The following LRRIQ3 variants were observed in gnomAD, a reference collection of about 807,000 sequenced individuals.
LRRIQ3 encodes leucine rich repeats and IQ motif containing 3.
LRRIQ3 carries 75 observed loss-of-function variants against 59.3 expected under a neutral mutation model. The ratio of observed to expected loss-of-function variants is 1.26; its 90% CI spans 1.05 to 1.53. The LOEUF is 1.53. Among genes scored for constraint, LRRIQ3 ranks in the 40% most tolerant of loss-of-function variants. LRRIQ3 has a pLI of 0.00. For synonymous variants in LRRIQ3, 250 were observed against 231.3 expected (o/e 1.08, Z -0.73); for missense variants, 831 against 710.0 (o/e 1.17, Z -1.94).
At chr1:74,075,003 G>C (rs1003792275) in intron 5 of LRRIQ3, among the ~76,000 whole-genome samples, 20 of 152,040 alleles carry the variant, frequency 1.3e-4, no homozygotes, top group Non-Finnish European at 2.6e-4. Context: ...ATTGTACCTT[G>C]GCCAATGCTG....
At chr1:74,034,306 G>T (rs950691111) in intron 7 of LRRIQ3, among the ~76,000 whole-genome samples, 3 of 151,978 alleles carry the variant, frequency 2.0e-5, no homozygotes, top group Admixed American at 6.6e-5. Context: ...AAAATATTTA[G>T]AGTAAAACTC....
chr1:74,101,004 G>A (rs1646522500), intron 5 of LRRIQ3, among the ~76,000 whole-genome samples: 1 of 152,106 alleles, frequency 6.6e-6, no homozygotes, highest in Non-Finnish European at 1.5e-5. Flanking sequence ...CATGGGCAAG[G>A]ACTTCATGTC....
At chr1:74,054,799 T>C (rs1057201723) in intron 6 of LRRIQ3, among the ~76,000 whole-genome samples, 1 of 147,498 alleles carries the variant, frequency 6.8e-6, no homozygotes, top group Non-Finnish European at 1.5e-5. Context: ...CACACATACA[T>C]ACATACATAT....
chr1:74,155,579 T>C (rs1648269757), intron 4 of LRRIQ3, 154 bp downstream of exon 4: 5 of 521,116 alleles, frequency 9.6e-6, no homozygotes, highest in Non-Finnish European at 1.6e-5. Flanking sequence ...TACTATAGAG[T>C]CTGTGGTATT....
In LRRIQ3 at chr1:74,041,767, A is replaced by C. The variant is rs371279678; in HGVS notation, c.1164T>G (p.Thr388=). 55 of 1,613,548 alleles carry C rather than the reference A, an allele frequency of 3.4e-5. No individual in the cohort carries two copies. The highest frequency in any genetic ancestry group is 4.5e-5 in the Non-Finnish European group (53 of 1,179,772). The change falls in exon 7 of 8, where the codon ACT becomes ACG. Residue 388 remains threonine (T), a synonymous_variant. Coordinates refer to ENST00000354431, the MANE Select transcript of LRRIQ3 (RefSeq NM_001105659.2). Reference sequence around the variant, plus strand: ...CTTTTTTAATGATTGGCTTTGGATGAGTAGTATAGATTGGCTGAGGATATG... The same window carrying C: ...CTTTTTTAATGATTGGCTTTGGATGCGTAGTATAGATTGGCTGAGGATATG... The part of the protein sequence containing the change: ...FPAYPQPIYT[T]HPKPIIKKDI...
chr1:74,084,205 T>C (rs1646303205), intron 5 of LRRIQ3: 1 of 1,513,082 alleles, frequency 6.6e-7, no homozygotes. Context: ...TGACCCATAA[T>C]TTTTTTTTAT....
chr1:74,151,661 C>A (rs187502778), intron 4 of LRRIQ3, among the ~76,000 whole-genome samples: 2 of 152,098 alleles, frequency 1.3e-5, no homozygotes, highest in African/African-American at 4.8e-5. Flanking sequence ...TCTAAAGGAT[C>A]TGAAGCATTC....
At chr1:74,036,722 T>C (rs1337308571) in intron 7 of LRRIQ3, among the ~76,000 whole-genome samples, 3 of 152,182 alleles carry the variant, frequency 2.0e-5, no homozygotes, top group African/African-American at 7.2e-5. Flanking sequence ...CATGACTACA[T>C]CACCTGTAAG....
At chr1:74,102,084 A>T (rs931414047) in intron 5 of LRRIQ3, among the ~76,000 whole-genome samples, 20 of 151,814 alleles carry the variant, frequency 1.3e-4, no homozygotes, top group African/African-American at 4.8e-4. Context: ...AAAATTCTCA[A>T]GTTTGTAAGA....
At chr1:74,153,910 A>T (rs1648139620) in intron 4 of LRRIQ3, among the ~76,000 whole-genome samples, 1 of 152,086 alleles carries the variant, frequency 6.6e-6, no homozygotes, top group South Asian at 2.1e-4. Flanking sequence ...GGGGCCAAAT[A>T]ACACAGAGAG....
At chr1:74,101,275 A>T (rs1419232659) in intron 5 of LRRIQ3, among the ~76,000 whole-genome samples, 1 of 152,214 alleles carries the variant, frequency 6.6e-6, no homozygotes, top group Non-Finnish European at 1.5e-5. Flanking sequence ...TCTCGAAAGA[A>T]GACATTTATG....
chr1:74,081,619 G>C (rs1415012630), intron 5 of LRRIQ3, among the ~76,000 whole-genome samples: 1 of 151,448 alleles, frequency 6.6e-6, no homozygotes, highest in East Asian at 1.9e-4. Flanking sequence ...AGGACATGGG[G>C]AAATTTCAGA....
intron 7 of LRRIQ3, among the ~76,000 whole-genome samples, chr1:74,034,481 C>T (rs1042073034): frequency 6.6e-6 from 1 of 151,690 alleles, no homozygotes; most frequent in Non-Finnish European, 1.5e-5. Flanking sequence ...TAATTATGGC[C>T]AGATATTCAT....
intron 5 of LRRIQ3, among the ~76,000 whole-genome samples, chr1:74,089,625 A>C (rs1481223853): frequency 6.6e-6 from 1 of 152,204 alleles, no homozygotes; most frequent in East Asian, 1.9e-4. Context: ...GCTTATATTA[A>C]ATGCCAAGAA....
intron 3 of LRRIQ3, among the ~76,000 whole-genome samples, chr1:74,173,441 T>C (rs1649450690): frequency 6.6e-6 from 1 of 152,148 alleles, no homozygotes; most frequent in Admixed American, 6.6e-5. Context: ...TCTTCTTCTC[T>C]TGTAGTCTTT....
intron 5 of LRRIQ3, chr1:74,084,194 T>C (rs966876025): frequency 1.6e-5 from 25 of 1,547,206 alleles, no homozygotes; most frequent in African/African-American, 2.7e-5. Context: ...TCAGTGAAAA[T>C]TGACCCATAA....
chr1:74,066,592 T>C (rs955492417), intron 6 of LRRIQ3, among the ~76,000 whole-genome samples: 1 of 152,168 alleles, frequency 6.6e-6, no homozygotes, highest in Admixed American at 6.6e-5. Context: ...GAAAATTGAG[T>C]ATACACATGT....
chr1:74,080,902 A>T (rs375803049), intron 5 of LRRIQ3, among the ~76,000 whole-genome samples: 2 of 151,726 alleles, frequency 1.3e-5, no homozygotes, highest in South Asian at 2.1e-4. Flanking sequence ...ATAGAGTAGC[A>T]CTTGGACTCT....
chr1:74,072,506 T>TA lies in LRRIQ3; in HGVS notation c.997+2154_997+2155insT, dbSNP rs368489966. ...TTTTGTGCTCATATATATATATATA[T>TA]TTTTTAATTGAGAGATTAATGTTTT... On this transcript the variant is annotated intron_variant, in intron 6 of 7. Coordinates refer to ENST00000354431, the MANE Select transcript of LRRIQ3 (RefSeq NM_001105659.2). Among the ~76,000 whole-genome samples the TA allele has an allele frequency of 1.5e-4, 23 of 152,014 alleles. No homozygotes were observed. In the East Asian group the frequency reaches 2.5e-3, roughly 17 times the overall value.
Sources: gnomAD v4.1 joint callset for allele counts (sites outside exome capture counted in the v4.1 genomes callset) on GRCh38, gnomAD v4.1.1 for gene constraint, MANE v1.5 for transcripts, NCBI Gene and HGNC (gene_info 2026-07-23, HGNC 2026-07-21) for gene names.